The following TRIP6 variants were observed in gnomAD, a reference collection of about 807,000 sequenced individuals.
TRIP6 encodes the protein thyroid hormone receptor interactor 6.
In TRIP6, 33 loss-of-function variants were observed where a neutral mutation model predicts 51.9. The ratio of observed to expected loss-of-function variants is 0.64; its 90% CI spans 0.48 to 0.85. The LOEUF is 0.85. Ranked by LOEUF, TRIP6 falls within the 40% of genes least tolerant of loss-of-function variation. The pLI is 0.00. For synonymous variants in TRIP6, 255 were observed against 275.8 expected (o/e 0.92, Z 0.75); for missense variants, 661 against 652.1 (o/e 1.01, Z -0.15).
intron 4 of TRIP6, 109 bp downstream of exon 4, chr7:100,868,975 T>C (rs1022488878): frequency 7.5e-7 from 1 of 1,331,484 alleles, no homozygotes; most frequent in African/African-American, 1.5e-5. Flanking sequence ...AGACAGAGTT[T>C]TGCTCTTGTT....
chr7:100,871,460 T>G, intron 6 of TRIP6, 83 bp from the exon 7 acceptor site: 2 of 1,466,984 alleles, frequency 1.4e-6, no homozygotes, highest in Non-Finnish European at 1.9e-6. Context: ...CTGCAGAAAT[T>G]AGATGGCTGG....
chr7:100,871,463 A>G lies in TRIP6; in HGVS notation c.1000-80A>G, dbSNP rs1050891077. The G allele has an allele frequency of 3.8e-5, 56 of 1,480,428 alleles. No homozygotes were observed. In the Admixed American group the frequency reaches 9.1e-4, roughly 24 times the overall value. The allele number at this position is 1,480,428 out of a possible 1,614,324, so 91.7% of individuals were successfully genotyped here. ...GCATGCAGGAGGCTGCAGAAATTAG[A>G]TGGCTGGGTTGCTGGGGTTCCTGTT... On this transcript the variant is annotated intron_variant, in intron 6 of 8. Transcript: ENST00000200457.
In TRIP6 at chr7:100,868,649, A is replaced by T; in HGVS notation, c.518A>T (p.Lys173Met). 1.2e-6 allele frequency: 2 copies of T among 1,611,174 alleles called. No homozygotes were observed. Among genetic ancestry groups the T allele is most frequent in the South Asian group, 2.2e-5 (2 of 90,950 alleles). Reference protein sequence around the residue: ...PAGPAFPVQVKVAQPVRGCGP... With the variant: ...PAGPAFPVQVMVAQPVRGCGP... ...GGCCCAGCCTTCCCCGTGCAAGTGA[A>T]GGTGGCACAGCCAGTGAGGGGCTGC... is the stretch of plus-strand genomic sequence containing the variant. Residue 173 changes from lysine (K) to methionine (M), a missense_variant, in exon 4 of 9, where the codon AAG (lysine) becomes ATG (methionine). Coordinates refer to ENST00000200457, the MANE Select transcript of TRIP6 (RefSeq NM_003302.3).
In TRIP6 at chr7:100,871,662, C is replaced by G. The variant is rs765796485; in HGVS notation, c.1119C>G (p.Asp373Glu). The G allele has an allele frequency of 6.2e-7, 1 of 1,614,072 alleles. No individual in the cohort carries two copies. The highest frequency in any genetic ancestry group is 1.1e-5 in the South Asian group (1 of 91,086). The change falls in exon 7 of 9, where the codon GAC (aspartate) becomes GAG (glutamate). Residue 373 changes from aspartate (D) to glutamate (E), a missense_variant. Asp to Glu is a conservative substitution (Grantham distance 45, BLOSUM62 2). Coordinates refer to ENST00000200457, the MANE Select transcript of TRIP6 (RefSeq NM_003302.3). ...GCGTGGTGTGTCACCGCGGCCTCGA[C>G]GGCATCCCCTTCACAGTGGATGCTA... The part of the protein sequence containing the change: ...FTCVVCHRGL[D>E]GIPFTVDATS...
In TRIP6 at chr7:100,867,439, G is replaced by A. The variant is rs1202278398; in HGVS notation, c.-59G>A. 1 of 1,251,324 alleles carries A rather than the reference G, an allele frequency of 8.0e-7. No individual in the cohort carries two copies. Among genetic ancestry groups the A allele is most frequent in the African/African-American group, 1.6e-5 (1 of 63,144 alleles). The allele number at this position is 1,251,324 out of a possible 1,614,324, so 77.5% of individuals were successfully genotyped here. On this transcript the variant is annotated 5_prime_UTR_variant, in exon 1 of 9. Coordinates refer to ENST00000200457, the MANE Select transcript of TRIP6 (RefSeq NM_003302.3). This position sits in a 1 kb window ranked among gnomAD's most constrained non-coding sequence, Gnocchi z 5.4. ...AAACGAGGTGCGGGACGGAAGAGGG[G>A]GTGAAGGCCAGAGGCTCGGGGCTTC...
Position 100,867,432 on chromosome 7 carries a change from A to G in TRIP6, c.-66A>G. 8.4e-7 allele frequency: 1 copy of G among 1,194,796 alleles called. No homozygotes were observed. 74.0% of individuals were successfully genotyped at this position (1,194,796 alleles called of 1,614,324 possible). A position where few individuals can be genotyped will look rare whatever the true frequency, so the allele number is the denominator to read the frequency against. ...GAGTCCCAAACGAGGTGCGGGACGG[A>G]AGAGGGGGTGAAGGCCAGAGGCTCG... is the stretch of plus-strand genomic sequence containing the variant. On this transcript the variant is annotated 5_prime_UTR_variant, in exon 1 of 9. Transcript: ENST00000200457. This position sits in a 1 kb window ranked among gnomAD's most constrained non-coding sequence, Gnocchi z 5.4.
rs762938136 is a variant in TRIP6 at position 100,867,514 on chromosome 7, G to C, written c.17G>C (p.Trp6Ser). Residue 6 changes from tryptophan to serine, a missense_variant, in exon 1 of 9, where the codon TGG becomes TCG. Physicochemically the swap from Trp to Ser is radical, Grantham distance 177 (BLOSUM62 -3). Transcript: ENST00000200457. This position sits in a 1 kb window ranked among gnomAD's most constrained non-coding sequence, Gnocchi z 5.4. ...TTCCAGGCCATGTCGGGGCCCACCT[G>C]GCTGCCCCCGAAGCAGCCGGAGCCC... MSGPT[W>S]LPPKQPEPAR... 6 of 1,504,480 alleles carry C rather than the reference G, an allele frequency of 4.0e-6. No homozygotes were observed. In the African/African-American group the frequency reaches 5.7e-5, roughly 14 times the overall value. 93.2% of individuals were successfully genotyped at this position (1,504,480 alleles called of 1,614,324 possible). A position where few individuals can be genotyped will look rare whatever the true frequency, so the allele number is the denominator to read the frequency against.
intron 6 of TRIP6, 164 bp downstream of exon 6, chr7:100,870,907 T>A: frequency 1.0e-6 from 1 of 954,320 alleles, no homozygotes; most frequent in Non-Finnish European, 1.5e-6. Context: ...ATCAAGCAAG[T>A]AGCTTAACAC....
rs1453588041 is a variant in TRIP6, at chr7:100,868,126, G to T, written c.256G>T (p.Gly86Trp). The T allele has an allele frequency of 3.7e-6, 6 of 1,612,350 alleles. No individual in the cohort carries two copies. The highest frequency in any genetic ancestry group is 5.1e-6 in the Non-Finnish European group (6 of 1,179,494). Reference protein sequence around the residue: ...QHTQGLPADRGGLRPGSLDAE... With the variant: ...QHTQGLPADRWGLRPGSLDAE... ...TCCTCAGGGGCTCCCTGCAGACAGG[G>T]GGGGCCTTCGCCCTGGAAGCCTGGA... The change falls in exon 3 of 9, where the codon GGG becomes TGG. Residue 86 changes from glycine (G) to tryptophan (W), a missense_variant. Gly to Trp is a radical substitution (Grantham distance 184). Coordinates refer to ENST00000200457, the MANE Select transcript of TRIP6 (RefSeq NM_003302.3).
chr7:100,871,137 C>T (rs185980583), intron 6 of TRIP6: 41 of 486,614 alleles, frequency 8.4e-5, no homozygotes, highest in Middle Eastern at 1.2e-3. Context: ...CTGGTTCAAG[C>T]GATTCTCATG....
chr7:100,870,489 G>A (rs1431427948), intron 5 of TRIP6, 26 bp downstream of exon 5: 4 of 1,608,636 alleles, frequency 2.5e-6, no homozygotes, highest in Middle Eastern at 1.7e-4. Context: ...GGGGTGGGTG[G>A]GACGTGGGAA....
At position 100,870,683 on chromosome 7, in the gene TRIP6, G is replaced by C; in HGVS notation, c.939G>C (p.Gln313His). The change falls in exon 6 of 9, where the codon CAG (glutamine) becomes CAC (histidine). Residue 313 changes from glutamine (Q) to histidine (H), a missense_variant. Gln to His is a conservative substitution (Grantham distance 24). Coordinates refer to ENST00000200457, the MANE Select transcript of TRIP6 (RefSeq NM_003302.3). The stretch of plus-strand genomic sequence containing the variant: ...TTGTATGTTCTACATGCCGGGCCCA[G>C]CTTCGCGGCCAGCATTTCTACGCCG... ...GCFVCSTCRA[Q>H]LRGQHFYAVE... 4 of 1,614,146 alleles carry C rather than the reference G, an allele frequency of 2.5e-6. No homozygotes were observed. Among genetic ancestry groups the C allele is most frequent in the Non-Finnish European group, 3.4e-6 (4 of 1,179,980 alleles).
At chr7:100,873,053 A>G in intron 8 of TRIP6, 119 bp from the exon 9 acceptor site, 3 of 1,383,396 alleles carry the variant, frequency 2.2e-6, no homozygotes, top group Non-Finnish European at 2.9e-6. Context: ...GTTTCACCAT[A>G]TTGGCCAGGC....
At position 100,867,452 on chromosome 7, in the gene TRIP6, G is replaced by A. The variant is rs1815161948; in HGVS notation, c.-46G>A. On this transcript the variant is annotated 5_prime_UTR_variant, in exon 1 of 9. Coordinates refer to ENST00000200457, the MANE Select transcript of TRIP6 (RefSeq NM_003302.3). The surrounding 1 kb of genome is among the most constrained non-coding windows in gnomAD (Gnocchi z 5.4). ...GACGGAAGAGGGGGTGAAGGCCAGA[G>A]GCTCGGGGCTTCAAGACCGCTGTCT... is the stretch of plus-strand genomic sequence containing the variant. The A allele has an allele frequency of 2.2e-6, 3 of 1,351,696 alleles. No homozygotes were observed. The highest frequency in any genetic ancestry group is 1.9e-6 in the Non-Finnish European group (2 of 1,026,552). The allele number at this position is 1,351,696 out of a possible 1,614,324, so 83.7% of individuals were successfully genotyped here. A position where few individuals can be genotyped will look rare whatever the true frequency, so the allele number is the denominator to read the frequency against.
intron 8 of TRIP6, 21 bp from the exon 9 acceptor site, chr7:100,873,151 T>C (rs577342429): frequency 6.2e-7 from 1 of 1,605,388 alleles, no homozygotes; most frequent in African/African-American, 1.3e-5. Flanking sequence ...GCCCGGCCAA[T>C]TGTTGCTTCT....
Position 100,873,303 on chromosome 7 carries a change from A to T in TRIP6, c.1431A>T (p.Ter477CysextTer17). Reference sequence around the variant, plus strand: ...CAGCCACCGTCACCACTGACTGCTGAGTCTTCCTAGAAGTACCTGCTGGGT... The same window carrying T: ...CAGCCACCGTCACCACTGACTGCTGTGTCTTCCTAGAAGTACCTGCTGGGT... The part of the protein sequence containing the change: ...ELSATVTTDC[*>C] The change falls in exon 9 of 9, where the codon TGA becomes TGT. Residue 477 changes from the stop codon to cysteine, a stop_lost. Transcript: ENST00000200457. 1 of 1,604,078 alleles carries T rather than the reference A, an allele frequency of 6.2e-7. No homozygotes were observed. Among genetic ancestry groups the T allele is most frequent in the Non-Finnish European group, 8.5e-7 (1 of 1,172,402 alleles).
chr7:100,870,903 C>A, intron 6 of TRIP6, 160 bp downstream of exon 6: 1 of 1,004,442 alleles, frequency 1.0e-6, no homozygotes, highest in Non-Finnish European at 1.4e-6. Flanking sequence ...AAGTATCAAG[C>A]AAGTAGCTTA....
chr7:100,867,728 A>G lies in TRIP6; in HGVS notation c.109+122A>G. 3 of 1,518,056 alleles carry G rather than the reference A, an allele frequency of 2.0e-6. No homozygotes were observed. The highest frequency in any genetic ancestry group is 2.7e-6 in the Non-Finnish European group (3 of 1,128,452). 94.0% of individuals were successfully genotyped at this position (1,518,056 alleles called of 1,614,324 possible). A position where few individuals can be genotyped will look rare whatever the true frequency, so the allele number is the denominator to read the frequency against. ...CCTTCCCCAAGCCGAGGCGGGGGGA[A>G]CAGCCGCCTGCGCTCTCTTGGGACC... On this transcript the variant is annotated intron_variant, in intron 1 of 8. Coordinates refer to ENST00000200457, the MANE Select transcript of TRIP6 (RefSeq NM_003302.3). The surrounding 1 kb of genome is among the most constrained non-coding windows in gnomAD (Gnocchi z 5.4).
rs776753450 is a variant in TRIP6, at chr7:100,873,157, C to T, written c.1300-15C>T. On this transcript the variant is annotated splice_polypyrimidine_tract_variant and intron_variant, in intron 8 of 8. Transcript: ENST00000200457. Reference sequence around the variant, plus strand: ...AGCCATCGCGCCCGGCCAATTGTTGCTTCTTTTTCAACAGGAGTGTGGGCT... The same window carrying T: ...AGCCATCGCGCCCGGCCAATTGTTGTTTCTTTTTCAACAGGAGTGTGGGCT... 3.7e-6 allele frequency: 6 copies of T among 1,607,110 alleles called. No homozygotes were observed. The East Asian group carries it at 1.1e-4, about 30-fold the overall frequency.
Sources: allele counts gnomAD v4.1 joint callset, GRCh38; gene constraint gnomAD v4.1.1; non-coding constraint Gnocchi (gnomAD v3.1); transcripts MANE v1.5; gene names NCBI Gene and HGNC (gene_info 2026-07-23, HGNC 2026-07-21).